CRAMP1: variants seen among roughly 807,000 people sequenced by gnomAD.
The protein encoded by CRAMP1 is protein cramped-like.
In CRAMP1, 50 loss-of-function variants were observed where a neutral mutation model predicts 115.4. The ratio of observed to expected loss-of-function variants is 0.43; its 90% CI spans 0.35 to 0.55. The LOEUF (loss-of-function observed/expected upper bound fraction) is 0.55, where lower values mean the gene tolerates loss of function less well. Ranked by LOEUF, CRAMP1 falls within the 20% of genes least tolerant of loss-of-function variation. The probability of loss-of-function intolerance (pLI) is 0.01; values close to 1 mark genes in which losing one functional copy is unlikely to be tolerated. For synonymous variants in CRAMP1, 866 were observed against 745.4 expected (o/e 1.16, Z -2.64); for missense variants, 1,679 against 1,721.7 (o/e 0.98, Z 0.44).
At position 1,612,378 on chromosome 16, in the gene CRAMP1, C is replaced by T. The variant is rs1233340891; in HGVS notation, c.-281C>T. Reference sequence around the variant, plus strand: ...CGTCCGTGAGGTCCCCACCGGCCGCCGTAGCCGGAACTGCTGCTGAGGGCG... The same window carrying T: ...CGTCCGTGAGGTCCCCACCGGCCGCTGTAGCCGGAACTGCTGCTGAGGGCG... On this transcript the variant is annotated 5_prime_UTR_variant, in exon 1 of 21. Coordinates refer to ENST00000397412, the MANE Select transcript of CRAMP1 (RefSeq NM_020825.4). 1 of 151,758 alleles carries T rather than the reference C, an allele frequency of 6.6e-6. No homozygotes were observed. Among genetic ancestry groups the T allele is most frequent in the Non-Finnish European group, 1.5e-5 (1 of 67,758 alleles). 9.4% of individuals were successfully genotyped at this position (151,758 alleles called of 1,614,324 possible). A position where few individuals can be genotyped will look rare whatever the true frequency, so the allele number is the denominator to read the frequency against.
At chr16:1,612,811 C>G (rs1596478262) in intron 1 of CRAMP1, among the ~76,000 whole-genome samples, 154 bp downstream of exon 1, 1 of 152,068 alleles carries the variant, frequency 6.6e-6, no homozygotes. Context: ...GTCCCCATCC[C>G]GAGACGCGAG....
chr16:1,668,325 G>A (rs1016135047), intron 18 of CRAMP1, 132 bp downstream of exon 18: 7 of 718,546 alleles, frequency 9.7e-6, no homozygotes, highest in Non-Finnish European at 1.7e-5. Context: ...CCTACAAGGT[G>A]CTGCCTGTCT....
At chr16:1,650,792 A>G (rs1203843217) in intron 6 of CRAMP1, among the ~76,000 whole-genome samples, 1 of 152,230 alleles carries the variant, frequency 6.6e-6, no homozygotes, top group Admixed American at 6.5e-5. Context: ...GGAGTTGGTG[A>G]ATTCCTAAAA....
intron 2 of CRAMP1, among the ~76,000 whole-genome samples, chr16:1,621,832 A>G (rs540792880): frequency 6.6e-6 from 1 of 152,330 alleles, no homozygotes; most frequent in African/African-American, 2.4e-5. Context: ...GCTCAGCAAC[A>G]GTCACAGATG....
At chr16:1,637,760 A>C in intron 4 of CRAMP1, 64 bp from the exon 5 acceptor site, 1 of 784,434 alleles carries the variant, frequency 1.3e-6, no homozygotes, top group South Asian at 2.3e-5. Context: ...TGTGGCTCTC[A>C]CACCCAAGCC....
chr16:1,614,831 C>A lies in CRAMP1; in HGVS notation c.192C>A (p.Gly64=). ...CCGACGGCCCCCCCGCGCCCCCCGGCGCGCCGCAGGCGCCGTCCCCGCCGC... is the reference window on the plus strand; with the variant it reads ...CCGACGGCCCCCCCGCGCCCCCCGGAGCGCCGCAGGCGCCGTCCCCGCCGC... ...AGADGPPAPP[G]APQAPSPPQG... is the part of the protein sequence containing the mutation. Residue 64 remains glycine, a synonymous_variant, in exon 2 of 21, where the codon GGC becomes GGA. Transcript: ENST00000397412. The surrounding 1 kb of genome is among the most constrained non-coding windows in gnomAD (Gnocchi z 4.4). The A allele has an allele frequency of 1.6e-6, 2 of 1,272,276 alleles. No homozygotes were observed. Among genetic ancestry groups the A allele is most frequent in the Non-Finnish European group, 2.0e-6 (2 of 1,013,816 alleles). The allele number at this position is 1,272,276 out of a possible 1,614,324, so 78.8% of individuals were successfully genotyped here. A position where few individuals can be genotyped will look rare whatever the true frequency, so the allele number is the denominator to read the frequency against.
intron 6 of CRAMP1, among the ~76,000 whole-genome samples, chr16:1,650,087 C>T (rs1165073695): frequency 1.3e-5 from 2 of 152,196 alleles, no homozygotes; most frequent in African/African-American, 4.8e-5. Context: ...AGCCACCGTG[C>T]CCGGCTTGTT....
In CRAMP1 at chr16:1,655,338, G is replaced by A. The variant is rs755900482; in HGVS notation, c.1119+38G>A. On this transcript the variant is annotated intron_variant, in intron 9 of 20. Coordinates refer to ENST00000397412, the MANE Select transcript of CRAMP1 (RefSeq NM_020825.4). ...AGCTAAAGCAAACCATCCAGGCTGC[G>A]CTGCCTCTGCTGCCCAGAGATGGAC... is the stretch of plus-strand genomic sequence containing the variant. 7.9e-6 allele frequency: 12 copies of A among 1,511,640 alleles called. 1 individual carries two copies. Among genetic ancestry groups the A allele is most frequent in the Middle Eastern group, 1.7e-4 (1 of 5,880 alleles). 93.6% of individuals were successfully genotyped at this position (1,511,640 alleles called of 1,614,324 possible).
At chr16:1,624,390 CA>C (rs2142172214) in intron 2 of CRAMP1, among the ~76,000 whole-genome samples, 1 of 151,626 alleles carries the variant, frequency 6.6e-6, no homozygotes, top group Non-Finnish European at 1.5e-5. Context: ...ATCATTTTTA[CA>C]ATAATCTACA....
chr16:1,669,166 G>A lies in CRAMP1; in HGVS notation c.3499+1G>A. On this transcript the variant is annotated splice_donor_variant, in intron 19 of 20. Coordinates refer to ENST00000397412, the MANE Select transcript of CRAMP1 (RefSeq NM_020825.4). LOFTEE classifies it high-confidence loss of function. This position sits in a 1 kb window ranked among gnomAD's most constrained non-coding sequence, Gnocchi z 4.6. ...GACTCCTCGCTCAGCAGCCTGTTTG[G>A]TGAGTGTATGGGGAGGGCTCCCATC... The A allele has an allele frequency of 6.3e-7, 1 of 1,596,832 alleles. No homozygotes were observed. The highest frequency in any genetic ancestry group is 8.5e-7 in the Non-Finnish European group (1 of 1,170,938).
intron 2 of CRAMP1, among the ~76,000 whole-genome samples, chr16:1,623,316 G>T (rs1410171062): frequency 6.6e-6 from 1 of 152,194 alleles, no homozygotes; most frequent in African/African-American, 2.4e-5. Context: ...CTTTACTGTT[G>T]TGCCTTCTTT....
In CRAMP1 at chr16:1,669,391, GC is replaced by G. The variant is rs1452185188; in HGVS notation, c.3499+228del. 6.6e-6 allele frequency among the ~76,000 whole-genome samples: 1 copy of G among 152,174 alleles called. No homozygotes were observed. The highest frequency in any genetic ancestry group is 1.5e-5 in the Non-Finnish European group (1 of 68,026). On this transcript the variant is annotated intron_variant, in intron 19 of 20. Coordinates refer to ENST00000397412, the MANE Select transcript of CRAMP1 (RefSeq NM_020825.4). This position sits in a 1 kb window ranked among gnomAD's most constrained non-coding sequence, Gnocchi z 4.6. ...CACCAAGCTTTGGCAAGCATGTATA[GC>G]CTGGTAACCCACAAGCCAATGGAGA...
intron 2 of CRAMP1, among the ~76,000 whole-genome samples, chr16:1,619,987 AG>A (rs2036452641): frequency 6.6e-6 from 1 of 152,154 alleles, no homozygotes; most frequent in South Asian, 2.1e-4. Context: ...CCTGTCGTAT[AG>A]GATGGAGCGA....
At chr16:1,613,720 A>C (rs531672182) in intron 1 of CRAMP1, among the ~76,000 whole-genome samples, 1 of 152,204 alleles carries the variant, frequency 6.6e-6, no homozygotes, top group African/African-American at 2.4e-5. Flanking sequence ...AATTGTTGCC[A>C]AGAGTTTTAA....
At chr16:1,623,562 C>A (rs2036483724) in intron 2 of CRAMP1, among the ~76,000 whole-genome samples, 1 of 152,220 alleles carries the variant, frequency 6.6e-6, no homozygotes, top group South Asian at 2.1e-4. Context: ...TGATACGTAA[C>A]GGCAGGGCTG....
intron 2 of CRAMP1, among the ~76,000 whole-genome samples, chr16:1,618,762 C>A (rs1170288019): frequency 6.6e-6 from 1 of 152,106 alleles, no homozygotes; most frequent in Admixed American, 6.5e-5. Flanking sequence ...CCTAGCTACT[C>A]AGGAGGCTGA....
At chr16:1,627,247 G>A (rs2142174400) in intron 3 of CRAMP1, among the ~76,000 whole-genome samples, 1 of 152,070 alleles carries the variant, frequency 6.6e-6, no homozygotes, top group African/African-American at 2.4e-5. Context: ...CTTGGTTCAA[G>A]CAATTCTCGT....
intron 8 of CRAMP1, among the ~76,000 whole-genome samples, chr16:1,653,463 T>A (rs1481134129): frequency 6.6e-6 from 1 of 152,210 alleles, no homozygotes; most frequent in Non-Finnish European, 1.5e-5. Flanking sequence ...CCCACCCGCT[T>A]CTTGGAGACT....
At chr16:1,640,605 G>A (rs1205645237) in intron 5 of CRAMP1, among the ~76,000 whole-genome samples, 7 of 152,192 alleles carry the variant, frequency 4.6e-5, no homozygotes, top group Non-Finnish European at 1.0e-4. Context: ...GAAGAGTCCC[G>A]AGCAGGTCAC....
Sources: gnomAD v4.1 joint callset for allele counts (sites outside exome capture counted in the v4.1 genomes callset) on GRCh38, gnomAD v4.1.1 for gene constraint, Gnocchi (gnomAD v3.1) non-coding constraint, MANE v1.5 for transcripts, NCBI Gene and HGNC (gene_info 2026-07-23, HGNC 2026-07-21) for gene names.